The following LRFN2 variants were observed in gnomAD, a reference collection of about 807,000 sequenced individuals.
LRFN2 encodes the protein leucine-rich repeat and fibronectin type-III domain-containing protein 2.
Under a neutral mutation model 37.3 loss-of-function variants are expected in LRFN2, and 18 were observed. The ratio of observed to expected loss-of-function variants is 0.48; its 90% CI spans 0.33 to 0.72. LRFN2 has a LOEUF of 0.72. LRFN2 is among the 30% of genes least tolerant of loss of function. The pLI is 0.02. For missense variants in LRFN2, 1,006 were observed against 1,060.7 expected (o/e 0.95, Z 0.72); for synonymous variants, 556 against 466.6 (o/e 1.19, Z -2.47).
At chr6:40,514,314 T>G (rs1481136051) in intron 1 of LRFN2, among the ~76,000 whole-genome samples, 1 of 152,146 alleles carries the variant, frequency 6.6e-6, no homozygotes. Context: ...GAGTTTTTTT[T>G]GTTTGTTTTG....
At position 40,444,884 on chromosome 6, in the gene LRFN2, G is replaced by A. The variant is rs541201617; in HGVS notation, c.-18-11753C>T. ...ATTTTTTGCTTCTCCATTTCCTCCT[G>A]CCTCTGTCTTCTTCATGATTTTTTT... is the stretch of plus-strand genomic sequence containing the variant. On this transcript the variant is annotated intron_variant, in intron 1 of 2. Transcript: ENST00000338305. Among the ~76,000 whole-genome samples the A allele has an allele frequency of 3.4e-5, 5 of 148,976 alleles. No homozygotes were observed. In the Admixed American group the frequency reaches 3.4e-4, roughly 10 times the overall value.
intron 1 of LRFN2, among the ~76,000 whole-genome samples, chr6:40,549,087 TG>T (rs1331089137): frequency 6.6e-6 from 1 of 152,116 alleles, no homozygotes; most frequent in Non-Finnish European, 1.5e-5. Flanking sequence ...ACCAAGCCAA[TG>T]GGGTGGGACA....
intron 1 of LRFN2, among the ~76,000 whole-genome samples, chr6:40,544,797 C>T (rs994208471): frequency 1.3e-5 from 2 of 152,194 alleles, no homozygotes; most frequent in Admixed American, 6.5e-5. Context: ...CCAGAGAGAC[C>T]TACTGCCAAC....
At chr6:40,473,090 A>G (rs973674569) in intron 1 of LRFN2, among the ~76,000 whole-genome samples, 1 of 152,102 alleles carries the variant, frequency 6.6e-6, no homozygotes, top group African/African-American at 2.4e-5. Flanking sequence ...CCACGCCTCC[A>G]GATCCCTCCT....
At chr6:40,585,386 C>T (rs1767482213) in intron 1 of LRFN2, among the ~76,000 whole-genome samples, 2 of 152,234 alleles carry the variant, frequency 1.3e-5, no homozygotes, top group South Asian at 4.1e-4. Flanking sequence ...CAGAAGGGCC[C>T]AGGCAGCTGG....
At chr6:40,566,236 A>T (rs1767087852) in intron 1 of LRFN2, among the ~76,000 whole-genome samples, 1 of 152,154 alleles carries the variant, frequency 6.6e-6, no homozygotes. Context: ...CAGGAAACAA[A>T]GTTGCTGGAG....
At chr6:40,455,872 T>A (rs948468971) in intron 1 of LRFN2, among the ~76,000 whole-genome samples, 5 of 152,298 alleles carry the variant, frequency 3.3e-5, no homozygotes, top group African/African-American at 9.6e-5. Context: ...AGGGAGATTA[T>A]CCTGGGTGGG....
At chr6:40,511,050 G>A (rs1049321751) in intron 1 of LRFN2, among the ~76,000 whole-genome samples, 2 of 152,106 alleles carry the variant, frequency 1.3e-5, no homozygotes, top group East Asian at 3.9e-4. Context: ...TGAGACCATG[G>A]GGGAGAAGGC....
chr6:40,415,788 A>G (rs181807941), intron 2 of LRFN2, among the ~76,000 whole-genome samples: 1 of 152,336 alleles, frequency 6.6e-6, no homozygotes, highest in East Asian at 1.9e-4. Context: ...AAACTTAAAC[A>G]CCTCTCGAAT....
intron 2 of LRFN2, among the ~76,000 whole-genome samples, chr6:40,413,436 G>C (rs1263049533): frequency 6.6e-6 from 1 of 152,188 alleles, no homozygotes; most frequent in African/African-American, 2.4e-5. Flanking sequence ...AGTAGCTCTG[G>C]GGGGATGATG....
chr6:40,420,005 T>C (rs13192150), intron 2 of LRFN2, among the ~76,000 whole-genome samples: 26,233 of 152,246 alleles, frequency 0.17, 2,961 homozygotes, highest in African/African-American at 0.32. Flanking sequence ...ATCTCTTCCA[T>C]GCTTCATTTC....
At chr6:40,492,814 G>C (rs1765122957) in intron 1 of LRFN2, among the ~76,000 whole-genome samples, 2 of 152,164 alleles carry the variant, frequency 1.3e-5, no homozygotes. Context: ...TTTAGAGGAG[G>C]AGAGGAGGGG....
At chr6:40,528,072 T>C (rs148254306) in intron 1 of LRFN2, among the ~76,000 whole-genome samples, 1 of 152,302 alleles carries the variant, frequency 6.6e-6, no homozygotes, top group East Asian at 1.9e-4. Context: ...AAGGCCAGAG[T>C]GGGAATTCAA....
intron 1 of LRFN2, among the ~76,000 whole-genome samples, chr6:40,443,859 A>G (rs922791324): frequency 5.3e-5 from 8 of 152,166 alleles, no homozygotes; most frequent in African/African-American, 1.7e-4. Flanking sequence ...AAAGGGACAA[A>G]GGTAGAGGGC....
At chr6:40,516,442 A>G (rs2113893653) in intron 1 of LRFN2, 1 of 152,396 alleles carries the variant, frequency 6.6e-6, no homozygotes, top group African/African-American at 2.4e-5. Flanking sequence ...AGGAATGAGG[A>G]TGCTGGGGGA....
chr6:40,573,173 C>T (rs887951228), intron 1 of LRFN2, among the ~76,000 whole-genome samples: 1 of 152,192 alleles, frequency 6.6e-6, no homozygotes, highest in African/African-American at 2.4e-5. Flanking sequence ...GGAATTTGGC[C>T]TCTCTGAGCC....
At chr6:40,500,766 C>A (rs571671176) in intron 1 of LRFN2, among the ~76,000 whole-genome samples, 1 of 152,244 alleles carries the variant, frequency 6.6e-6, no homozygotes, top group Admixed American at 6.5e-5. Context: ...TCACTACATG[C>A]CTCTAAGGAA....
chr6:40,448,872 G>A (rs1179126744), intron 1 of LRFN2, among the ~76,000 whole-genome samples: 1 of 152,214 alleles, frequency 6.6e-6, no homozygotes, highest in Non-Finnish European at 1.5e-5. Flanking sequence ...GCTGGGAAAG[G>A]GGTCCTGGTC....
At chr6:40,463,109 G>A (rs929619680) in intron 1 of LRFN2, among the ~76,000 whole-genome samples, 45 of 152,182 alleles carry the variant, frequency 3.0e-4, no homozygotes, top group African/African-American at 1.0e-3. Flanking sequence ...ACCATAAGGT[G>A]GATTTGGGAG....
Sources: allele counts gnomAD v4.1 joint callset (sites outside exome capture counted in the v4.1 genomes callset), GRCh38; gene constraint gnomAD v4.1.1; transcripts MANE v1.5; gene names NCBI Gene and HGNC (gene_info 2026-07-23, HGNC 2026-07-21).